The following CNTNAP2 variants were observed in gnomAD, a reference collection of about 807,000 sequenced individuals.
CNTNAP2 encodes the protein contactin-associated protein-like 2.
Under a neutral mutation model 155.2 loss-of-function variants are expected in CNTNAP2, and 98 were observed. The ratio of observed to expected loss-of-function variants is 0.63; its 90% confidence interval spans 0.54 to 0.75. CNTNAP2 has a LOEUF of 0.75. CNTNAP2 is among the 30% of genes least tolerant of loss of function. The pLI is 0.00. For synonymous variants in CNTNAP2, 651 were observed against 631.2 expected, an observed-to-expected ratio of 1.03 and a Z score of -0.47; for missense variants, 1,727 against 1,688.1, an observed-to-expected ratio of 1.02 and a Z score of -0.40.
chr7:146,418,834 C>G (rs1795972043), intron 1 of CNTNAP2, among the ~76,000 whole-genome samples: 1 of 152,020 alleles, frequency 6.6e-6, no homozygotes, highest in Non-Finnish European at 1.5e-5. Context: ...GACACAGAGG[C>G]TGACATGCAC....
At position 147,515,321 on chromosome 7, in the gene CNTNAP2, C is replaced by CTTTTTTTTTTTTTTTTTTTT. The variant is rs763147267; in HGVS notation, c.1777+29287_1777+29288insTTTTTTTTTTTTTTTTTTTT. 3.2e-5 allele frequency among the ~76,000 whole-genome samples: 4 copies of CTTTTTTTTTTTTTTTTTTTT among 126,220 alleles called. 2 individuals are homozygous for CTTTTTTTTTTTTTTTTTTTT. The highest frequency in any genetic ancestry group is 6.6e-5 in the Non-Finnish European group (4 of 60,498). 82.8% of individuals were successfully genotyped at this position (126,220 alleles called of 152,430 possible). ...ATTTTTCTTCATAGTTCATTATATT[C>CTTTTTTTTTTTTTTTTTTTT]TTTTTTTGTTTGTTTGTTTTGAGAC... is the stretch of plus-strand genomic sequence containing the variant. On this transcript the variant is annotated intron_variant, in intron 11 of 23. Transcript: ENST00000361727.
At chr7:147,713,800 A>G (rs1020924747) in intron 13 of CNTNAP2, among the ~76,000 whole-genome samples, 1 of 152,178 alleles carries the variant, frequency 6.6e-6, no homozygotes, top group African/African-American at 2.4e-5. Flanking sequence ...TAGTCATTCT[A>G]ATAGGTGTAT....
chr7:146,851,596 C>T (rs1794878138), intron 3 of CNTNAP2, among the ~76,000 whole-genome samples: 1 of 151,694 alleles, frequency 6.6e-6, no homozygotes, highest in East Asian at 1.9e-4. Flanking sequence ...AGGACTCTCT[C>T]CTTGGCTCGC....
intron 14 of CNTNAP2, among the ~76,000 whole-genome samples, chr7:147,958,091 G>A (rs933285235): frequency 1.3e-5 from 2 of 151,950 alleles, no homozygotes; most frequent in Non-Finnish European, 2.9e-5. Flanking sequence ...AAACCAATAG[G>A]ACATATTAAT....
At chr7:147,347,635 C>G (rs1795900866) in intron 9 of CNTNAP2, among the ~76,000 whole-genome samples, 1 of 151,580 alleles carries the variant, frequency 6.6e-6, no homozygotes, top group Non-Finnish European at 1.5e-5. Context: ...TCAATGCAAT[C>G]TCTATCAAAA....
intron 9 of CNTNAP2, among the ~76,000 whole-genome samples, chr7:147,307,353 G>A (rs745834469): frequency 6.6e-6 from 1 of 152,186 alleles, no homozygotes; most frequent in East Asian, 1.9e-4. Context: ...GGGAGGCCGA[G>A]GCGGGCAGAT....
At chr7:147,514,257 A>C (rs1799075218) in intron 11 of CNTNAP2, among the ~76,000 whole-genome samples, 1 of 152,184 alleles carries the variant, frequency 6.6e-6, no homozygotes, top group Non-Finnish European at 1.5e-5. Context: ...TTTTTTGGAT[A>C]GATGAAGGTA....
chr7:146,222,859 C>T (rs962776285), intron 1 of CNTNAP2, among the ~76,000 whole-genome samples: 2 of 151,788 alleles, frequency 1.3e-5, no homozygotes, highest in Non-Finnish European at 2.9e-5. Flanking sequence ...CGGGGTTTTA[C>T]CATGTTAGCC....
chr7:146,629,799 T>A (rs1799480913), intron 1 of CNTNAP2, among the ~76,000 whole-genome samples: 1 of 152,190 alleles, frequency 6.6e-6, no homozygotes, highest in Non-Finnish European at 1.5e-5. Flanking sequence ...TGGAGGCTTA[T>A]GTTTTGAGAC....
chr7:148,003,009 C>T (rs1453710389), intron 15 of CNTNAP2, among the ~76,000 whole-genome samples: 1 of 152,092 alleles, frequency 6.6e-6, no homozygotes, highest in Non-Finnish European at 1.5e-5. Context: ...TTTTGATCAG[C>T]ACGGGGAGCA....
intron 1 of CNTNAP2, among the ~76,000 whole-genome samples, chr7:146,204,301 T>C (rs1471087673): frequency 6.6e-6 from 1 of 152,180 alleles, no homozygotes; most frequent in African/African-American, 2.4e-5. Flanking sequence ...ATCAAAATGT[T>C]CTGTGCTTCT....
chr7:146,128,992 A>C (rs1797676975), intron 1 of CNTNAP2, among the ~76,000 whole-genome samples: 1 of 152,168 alleles, frequency 6.6e-6, no homozygotes, highest in Non-Finnish European at 1.5e-5. Flanking sequence ...TTATTTTAAA[A>C]GATAGTTTAT....
chr7:147,445,396 C>T (rs540000189), intron 10 of CNTNAP2, among the ~76,000 whole-genome samples: 58 of 152,210 alleles, frequency 3.8e-4, no homozygotes, highest in African/African-American at 1.0e-3. Flanking sequence ...TTGGTTAGGG[C>T]GCCACATTAC....
At chr7:146,739,692 T>G (rs184498635) in intron 1 of CNTNAP2, among the ~76,000 whole-genome samples, 1 of 151,998 alleles carries the variant, frequency 6.6e-6, no homozygotes, top group Non-Finnish European at 1.5e-5. Flanking sequence ...CAAGTGTAAG[T>G]TTCTTTGTTT....
intron 3 of CNTNAP2, among the ~76,000 whole-genome samples, chr7:146,985,816 A>G (rs1248693785): frequency 6.6e-6 from 1 of 152,156 alleles, no homozygotes; most frequent in Non-Finnish European, 1.5e-5. Flanking sequence ...CATTAAAGCT[A>G]TTAAACAATG....
chr7:148,029,351 AT>A (rs964859566), intron 15 of CNTNAP2, among the ~76,000 whole-genome samples: 14 of 152,124 alleles, frequency 9.2e-5, no homozygotes, highest in African/African-American at 3.1e-4. Context: ...AAAATATGGA[AT>A]TTTTTTTCTT....
At chr7:147,864,855 A>G (rs1320226183) in intron 13 of CNTNAP2, among the ~76,000 whole-genome samples, 1 of 152,190 alleles carries the variant, frequency 6.6e-6, no homozygotes, top group African/African-American at 2.4e-5. Context: ...CTAAATATAC[A>G]ATCATGTCAT....
chr7:147,869,151 C>G (rs375819044), intron 13 of CNTNAP2, among the ~76,000 whole-genome samples: 1 of 152,174 alleles, frequency 6.6e-6, no homozygotes, highest in Non-Finnish European at 1.5e-5. Flanking sequence ...TAGCAGTTCT[C>G]TTAAAGCTGA....
intron 1 of CNTNAP2, among the ~76,000 whole-genome samples, chr7:146,402,194 A>G (rs114870783): frequency 0.015 from 2,316 of 152,248 alleles, 58 homozygotes; most frequent in African/African-American, 0.051. Flanking sequence ...TGCTGTTAAT[A>G]TCTGCAATAA....
Sources: gnomAD v4.1 joint callset for allele counts (sites outside exome capture counted in the v4.1 genomes callset) on GRCh38, gnomAD v4.1.1 for gene constraint, MANE v1.5 for transcripts, NCBI Gene and HGNC (gene_info 2026-07-23, HGNC 2026-07-21) for gene names.